PCBP3: variants seen among roughly 807,000 people sequenced by gnomAD.
PCBP3 encodes the protein poly(rC) binding protein 3, also known as poly(rC)-binding protein 3.
In PCBP3, 25 loss-of-function variants were observed where a neutral mutation model predicts 52.7. That is an observed-to-expected ratio of 0.47 (90% CI 0.35 to 0.66). The LOEUF (loss-of-function observed/expected upper bound fraction) is 0.66. Among genes scored for constraint, PCBP3 ranks in the 30% least tolerant of loss-of-function variants. PCBP3 has a pLI of 0.01. For missense variants in PCBP3, 391 were observed against 490.3 expected (o/e 0.80, Z 1.91); for synonymous variants, 162 against 183.0 (o/e 0.89, Z 0.93).
At chr21:45,921,711 C>T (rs1010721275) in intron 13 of PCBP3, among the ~76,000 whole-genome samples, 4 of 152,010 alleles carry the variant, frequency 2.6e-5, no homozygotes, top group African/African-American at 7.3e-5. Flanking sequence ...CCCAGCTACC[C>T]GGGAGGCTGA....
At chr21:45,898,006 C>T (rs556188225) in intron 6 of PCBP3, among the ~76,000 whole-genome samples, 1 of 152,316 alleles carries the variant, frequency 6.6e-6, no homozygotes, top group African/African-American at 2.4e-5. Context: ...ACAGCACTGG[C>T]ACATCCTAGA....
At chr21:45,822,362 G>A (rs913555324) in intron 4 of PCBP3, among the ~76,000 whole-genome samples, 1 of 152,144 alleles carries the variant, frequency 6.6e-6, no homozygotes. Flanking sequence ...ATGTTTCATG[G>A]TTAAAACTGG....
Position 45,741,034 on chromosome 21 carries a change from C to T in PCBP3, c.-162+5605C>T, listed in dbSNP as rs544575184. Among the ~76,000 whole-genome samples, 33 of 152,240 alleles carry T rather than the reference C, an allele frequency of 2.2e-4. No homozygotes were observed. The East Asian group carries it at 2.5e-3, about 12-fold the overall frequency. On this transcript the variant is annotated intron_variant, in intron 3 of 17. Coordinates refer to ENST00000681687, the MANE Select transcript of PCBP3 (RefSeq NM_001384156.1). This position sits in a 1 kb window ranked among gnomAD's most constrained non-coding sequence, Gnocchi z 4.5. ...CCCTGCGGTGGGGGACTGTCCTAAA[C>T]GGAAAGCAGGGCACGGGATGGCTTC... is the stretch of plus-strand genomic sequence containing the variant.
In PCBP3 at chr21:45,646,041, C is replaced by T. The variant is rs117825414; in HGVS notation, c.-279+2173C>T. Among the ~76,000 whole-genome samples, 135 of 140,762 alleles carry T rather than the reference C, an allele frequency of 9.6e-4. 2 individuals carry two copies. The East Asian group carries it at 0.027, about 28-fold the overall frequency. The allele number at this position is 140,762 out of a possible 152,430, so 92.3% of individuals were successfully genotyped here. On this transcript the variant is annotated intron_variant, in intron 1 of 17. Transcript: ENST00000681687. ...GGCCCGCTGTCCATGGTGCTGAATC[C>T]GTGTCACCTGTTTCTCTCTCTCTCT...
chr21:45,854,244 T>C (rs1014898899), intron 5 of PCBP3, among the ~76,000 whole-genome samples: 20 of 152,210 alleles, frequency 1.3e-4, no homozygotes, highest in Non-Finnish European at 2.8e-4. Context: ...CACATGCTTT[T>C]TTAAAATTTA....
chr21:45,831,720 T>TTA (rs1170728584), intron 4 of PCBP3, among the ~76,000 whole-genome samples: 56 of 143,450 alleles, frequency 3.9e-4, no homozygotes, highest in African/African-American at 1.4e-3. Context: ...TTAGTTAGTT[T>TTA]GTTTATTTTA....
intron 2 of PCBP3, among the ~76,000 whole-genome samples, chr21:45,700,916 C>G (rs965803690): frequency 6.6e-6 from 1 of 152,094 alleles, no homozygotes; most frequent in African/African-American, 2.4e-5. Context: ...TCCTAAAGTA[C>G]TGAAAAAAAC....
At chr21:45,700,496 C>T (rs951687573) in intron 2 of PCBP3, among the ~76,000 whole-genome samples, 1 of 152,206 alleles carries the variant, frequency 6.6e-6, no homozygotes, top group Non-Finnish European at 1.5e-5. Context: ...GAGTACACAG[C>T]ACCCCCTGTA....
At chr21:45,647,470 A>G (rs2079393319) in intron 1 of PCBP3, among the ~76,000 whole-genome samples, 1 of 152,212 alleles carries the variant, frequency 6.6e-6, no homozygotes, top group Non-Finnish European at 1.5e-5. Context: ...AAACCAGGCA[A>G]ACGTGTTGAG....
intron 5 of PCBP3, chr21:45,858,839 C>T (rs923930074): frequency 1.3e-5 from 2 of 152,070 alleles, no homozygotes; most frequent in African/African-American, 4.8e-5. Flanking sequence ...CGGGTCTTTC[C>T]CGTGCTGTTC....
rs555023138 is a variant in PCBP3 at position 45,794,845 on chromosome 21, C to T, written c.-126+39393C>T. On this transcript the variant is annotated intron_variant, in intron 4 of 17. Coordinates refer to ENST00000681687, the MANE Select transcript of PCBP3 (RefSeq NM_001384156.1). ...TTGGGAGGCTGAGGCAGGAGAATGGCGTGAACCCGGGAGGCGGAGCTTGCA... is the reference window on the plus strand; with the variant it reads ...TTGGGAGGCTGAGGCAGGAGAATGGTGTGAACCCGGGAGGCGGAGCTTGCA... Among the ~76,000 whole-genome samples, 620 of 151,718 alleles carry T rather than the reference C, an allele frequency of 4.1e-3. 9 individuals are homozygous for T. The highest frequency in any genetic ancestry group is 0.014 in the African/African-American group (591 of 41,324).
intron 11 of PCBP3, among the ~76,000 whole-genome samples, chr21:45,913,381 G>A (rs978628001): frequency 2.0e-5 from 3 of 152,166 alleles, no homozygotes; most frequent in East Asian, 1.9e-4. Context: ...CAAGCCAAGC[G>A]CTTTGGATAT....
chr21:45,725,754 G>A (rs2084980836), intron 2 of PCBP3, among the ~76,000 whole-genome samples: 1 of 152,112 alleles, frequency 6.6e-6, no homozygotes, highest in African/African-American at 2.4e-5. Flanking sequence ...TGCCTGGAGG[G>A]TGGGCAAGGG....
intron 4 of PCBP3, among the ~76,000 whole-genome samples, chr21:45,824,099 C>T (rs930254800): frequency 1.3e-5 from 2 of 152,270 alleles, no homozygotes; most frequent in South Asian, 4.1e-4. Flanking sequence ...AGTTGATTTC[C>T]AGCATCCTAA....
At chr21:45,657,257 A>C (rs2080081260) in intron 1 of PCBP3, among the ~76,000 whole-genome samples, 1 of 152,006 alleles carries the variant, frequency 6.6e-6, no homozygotes, top group Non-Finnish European at 1.5e-5. Flanking sequence ...AAAGATTTAC[A>C]CCTCCGTTTT....
At chr21:45,770,272 T>A (rs2089753986) in intron 4 of PCBP3, among the ~76,000 whole-genome samples, 1 of 152,262 alleles carries the variant, frequency 6.6e-6, no homozygotes, top group South Asian at 2.1e-4. Flanking sequence ...CCTCTAGACT[T>A]TATCTAAAGC....
At chr21:45,726,725 G>C (rs1020227898) in intron 2 of PCBP3, among the ~76,000 whole-genome samples, 8 of 152,322 alleles carry the variant, frequency 5.3e-5, no homozygotes, top group Admixed American at 5.2e-4. Flanking sequence ...AGTGACCCGC[G>C]TGTGGCTCCC....
At chr21:45,670,539 G>A (rs1243695987) in intron 2 of PCBP3, among the ~76,000 whole-genome samples, 2 of 152,174 alleles carry the variant, frequency 1.3e-5, no homozygotes. Context: ...ATCAGGTACT[G>A]CTAAGGTTCT....
chr21:45,895,500 C>T (rs141396368), intron 5 of PCBP3, among the ~76,000 whole-genome samples: 155 of 152,328 alleles, frequency 1.0e-3, no homozygotes, highest in Middle Eastern at 3.4e-3. Context: ...GACTGTTGCA[C>T]GAGTCCCTCA....
Sources: gnomAD v4.1 joint callset for allele counts (sites outside exome capture counted in the v4.1 genomes callset) on GRCh38, gnomAD v4.1.1 for gene constraint, Gnocchi (gnomAD v3.1) non-coding constraint, MANE v1.5 for transcripts, NCBI Gene and HGNC (gene_info 2026-07-23, HGNC 2026-07-21) for gene names.